The following LRRK1 variants were observed in gnomAD, a reference collection of about 807,000 sequenced individuals.
LRRK1 encodes leucine-rich repeat serine/threonine-protein kinase 1.
LRRK1 carries 113 observed loss-of-function variants against 209.1 expected under a neutral mutation model. That is an observed-to-expected ratio of 0.54 (90% CI 0.46 to 0.63). LRRK1 has a LOEUF of 0.63. LRRK1 is among the 30% of genes least tolerant of loss of function. LRRK1 has a pLI of 0.00. For synonymous variants in LRRK1, 1,144 were observed against 1,099.7 expected, an observed-to-expected ratio of 1.04 and a Z score of -0.80; for missense variants, 2,284 against 2,632.2, an observed-to-expected ratio of 0.87 and a Z score of 2.89.
intron 3 of LRRK1, among the ~76,000 whole-genome samples, chr15:100,975,804 A>G (rs2031261117): frequency 6.6e-6 from 1 of 152,218 alleles, no homozygotes; most frequent in Admixed American, 6.5e-5. Context: ...AGCAAAATAA[A>G]GGTAAAGAAA....
intron 2 of LRRK1, among the ~76,000 whole-genome samples, chr15:100,971,752 A>T (rs897419906): frequency 6.6e-6 from 1 of 152,072 alleles, no homozygotes; most frequent in East Asian, 1.9e-4. Context: ...TGTACCCTTT[A>T]ACCCACTTCT....
In LRRK1 at chr15:101,022,468, C is replaced by T. The variant is rs2141710652; in HGVS notation, c.1938C>T (p.Pro646=). The T allele has an allele frequency of 6.2e-7, 1 of 1,614,234 alleles. No individual in the cohort carries two copies. Among genetic ancestry groups the T allele is most frequent in the East Asian group, 2.2e-5 (1 of 44,888 alleles). Residue 646 remains proline (P), a synonymous_variant, in exon 15 of 34, where the codon CCC becomes CCT. Coordinates refer to ENST00000388948, the MANE Select transcript of LRRK1 (RefSeq NM_024652.6). This position sits in a 1 kb window ranked among gnomAD's most constrained non-coding sequence, Gnocchi z 4.0. ...TGATGAAGATGATCATCGTGGGTCC[C>T]CCGCGCCAGGGCAAGTCCACCCTCC... ...CKLMKMIIVG[P]PRQGKSTLLE...
Position 101,074,367 on chromosome 15 carries a change from C to T in LRRK1, c.*5519C>T, listed in dbSNP as rs1445768454. ...TCCCCTACCTGCCCAGCAATTTTCT[C>T]TTAAAAAGGTGGCTGGAGCTAAAGG... On this transcript the variant is annotated 3_prime_UTR_variant, in exon 34 of 34. Transcript: ENST00000388948. The T allele has an allele frequency of 6.6e-6, 1 of 152,152 alleles. No homozygotes were observed. The highest frequency in any genetic ancestry group is 1.5e-5 in the Non-Finnish European group (1 of 68,026). The allele number at this position is 152,152 out of a possible 1,614,324, so 9.4% of individuals were successfully genotyped here.
At position 101,055,858 on chromosome 15, in the gene LRRK1, G is replaced by A. The variant is rs147689344; in HGVS notation, c.4332+635G>A. On this transcript the variant is annotated intron_variant, in intron 27 of 33. Coordinates refer to ENST00000388948, the MANE Select transcript of LRRK1 (RefSeq NM_024652.6). ...ATGTATTACATCTAGTGCCAGCCTTGTTAATTGATCACCCAGCATTAAAAT... is the reference window on the plus strand; with the variant it reads ...ATGTATTACATCTAGTGCCAGCCTTATTAATTGATCACCCAGCATTAAAAT... Among the ~76,000 whole-genome samples, 81 of 152,338 alleles carry A rather than the reference G, an allele frequency of 5.3e-4. 4 individuals are homozygous for A. In the East Asian group the frequency reaches 8.3e-3, roughly 16 times the overall value.
intron 2 of LRRK1, among the ~76,000 whole-genome samples, chr15:100,954,994 C>A (rs925587471): frequency 6.8e-6 from 1 of 146,536 alleles, no homozygotes. Context: ...TGGGGGTCGT[C>A]TGTGGTTCCA....
In LRRK1 at chr15:101,058,088, A is replaced by C; in HGVS notation, c.4626A>C (p.Ser1542=). Residue 1542 remains serine (S), a synonymous_variant, in exon 29 of 34, where the codon TCA becomes TCC. Coordinates refer to ENST00000388948, the MANE Select transcript of LRRK1 (RefSeq NM_024652.6). ...LCCGKQTAFF[S]SQGQEYTVVF... ...GTGGGAAGCAGACAGCCTTCTTCTC[A>C]TCCCAGGGCCAGGAGTACACCGTGG... The C allele has an allele frequency of 6.2e-7, 1 of 1,614,154 alleles. No homozygotes were observed. Among genetic ancestry groups the C allele is most frequent in the Non-Finnish European group, 8.5e-7 (1 of 1,180,028 alleles).
intron 3 of LRRK1, among the ~76,000 whole-genome samples, chr15:100,978,608 AAG>A (rs2031430749): frequency 6.6e-6 from 1 of 152,224 alleles, no homozygotes; most frequent in African/African-American, 2.4e-5. Flanking sequence ...AAAAGATAAT[AAG>A]GGGACATTAT....
At chr15:100,988,471 C>T (rs944707064) in intron 4 of LRRK1, 163 bp from the exon 5 acceptor site, 13 of 714,744 alleles carry the variant, frequency 1.8e-5, no homozygotes, top group Non-Finnish European at 3.0e-5. Context: ...CTGCAAAGTA[C>T]ATGATCTCAT....
In LRRK1 at chr15:101,026,032, G is replaced by C. The variant is rs753053998; in HGVS notation, c.2300G>C (p.Arg767Pro). The C allele has an allele frequency of 2.5e-6, 4 of 1,614,258 alleles. No individual in the cohort carries two copies. Among genetic ancestry groups the C allele is most frequent in the Admixed American group, 1.7e-5 (1 of 60,038 alleles). The part of the protein sequence containing the change: ...THLDLIEAKF[R>P]VERIATLRAY... ...CTGGATTTAATTGAAGCCAAGTTCC[G>C]TGTGGAAAGGATTGCAACGCTGCGT... The change falls in exon 17 of 34, where the codon CGT becomes CCT. Residue 767 changes from arginine (R) to proline (P), a missense_variant. By Grantham distance (103) the Arg-to-Pro change is moderately radical. Coordinates refer to ENST00000388948, the MANE Select transcript of LRRK1 (RefSeq NM_024652.6).
intron 9 of LRRK1, 100 bp from the exon 10 acceptor site, chr15:101,011,908 A>G (rs1279833407): frequency 1.2e-6 from 1 of 827,306 alleles, no homozygotes; most frequent in Non-Finnish European, 1.9e-6. Flanking sequence ...CATTATTGTA[A>G]TGGTCCATTT....
chr15:101,059,041 T>C (rs17744500), intron 29 of LRRK1, among the ~76,000 whole-genome samples: 79,597 of 151,934 alleles, frequency 0.52, 20,903 homozygotes, highest in East Asian at 0.61. Context: ...TCAGGTTTTA[T>C]GCCACTCGGA....
Position 101,069,133 on chromosome 15 carries a change from C to T in LRRK1, c.*285C>T, listed in dbSNP as rs1181140875. ...GCTGGGAGCGGCCTCCTCTGGCCTCCCCCATCAGTTTGCAGGAGCAGGGGT... is the reference window on the plus strand; with the variant it reads ...GCTGGGAGCGGCCTCCTCTGGCCTCTCCCATCAGTTTGCAGGAGCAGGGGT... On this transcript the variant is annotated 3_prime_UTR_variant, in exon 34 of 34. Transcript: ENST00000388948. The T allele has an allele frequency of 6.9e-6, 2 of 287,798 alleles. No individual in the cohort carries two copies. Among genetic ancestry groups the T allele is most frequent in the Non-Finnish European group, 1.3e-5 (2 of 153,978 alleles). The allele number at this position is 287,798 out of a possible 1,614,324, so 17.8% of individuals were successfully genotyped here. A position where few individuals can be genotyped will look rare whatever the true frequency, so the allele number is the denominator to read the frequency against.
rs8039550 is a variant in LRRK1, at chr15:100,984,622, G to T, written c.433+923G>T. The stretch of plus-strand genomic sequence containing the variant: ...ACTCACTTCTTTCCCATAGCGATAT[G>T]CATTTAAGGTTTCTCCATGCCTTTT... On this transcript the variant is annotated intron_variant, in intron 4 of 33. Coordinates refer to ENST00000388948, the MANE Select transcript of LRRK1 (RefSeq NM_024652.6). 7.8e-3 allele frequency among the ~76,000 whole-genome samples: 1,193 copies of T among 152,234 alleles called. 17 individuals are homozygous for T. Among genetic ancestry groups the T allele is most frequent in the African/African-American group, 0.028 (1,146 of 41,524 alleles).
At chr15:100,962,816 T>TACACAC (rs2030125624) in intron 2 of LRRK1, among the ~76,000 whole-genome samples, 3 of 32,746 alleles carry the variant, frequency 9.2e-5, no homozygotes, top group Non-Finnish European at 1.4e-4. Flanking sequence ...TATATATATA[T>TACACAC]ATATATATTT....
intron 2 of LRRK1, among the ~76,000 whole-genome samples, 186 bp downstream of exon 2, chr15:100,924,915 C>A (rs892821724): frequency 1.3e-5 from 2 of 152,082 alleles, no homozygotes; most frequent in South Asian, 2.1e-4. Flanking sequence ...GAACAGTGTA[C>A]AAAATTTATT....
chr15:101,068,636 CCT>C, intron 33 of LRRK1, 33 bp from the exon 34 acceptor site: 1 of 1,536,218 alleles, frequency 6.5e-7, no homozygotes, highest in Non-Finnish European at 8.8e-7. Context: ...AGTGGGAACC[CCT>C]GTGAGTTTCC....
At position 101,077,077 on chromosome 15, in the gene LRRK1, C is replaced by G. The variant is rs368317627; in HGVS notation, c.*8229C>G. On this transcript the variant is annotated 3_prime_UTR_variant, in exon 34 of 34. Coordinates refer to ENST00000388948, the MANE Select transcript of LRRK1 (RefSeq NM_024652.6). Reference sequence around the variant, plus strand: ...ACGGACTAATGATCTTTTAAAAACACACCTCACCAAGCTCAGCCACCAACT... The same window carrying G: ...ACGGACTAATGATCTTTTAAAAACAGACCTCACCAAGCTCAGCCACCAACT... 1.3e-5 allele frequency: 2 copies of G among 152,042 alleles called. No homozygotes were observed. The highest frequency in any genetic ancestry group is 2.9e-5 in the Non-Finnish European group (2 of 67,970). The allele number at this position is 152,042 out of a possible 1,614,324, so 9.4% of individuals were successfully genotyped here.
chr15:101,053,404 G>C lies in LRRK1; in HGVS notation c.4038G>C (p.Leu1346=), dbSNP rs762265825. 5.0e-6 allele frequency: 8 copies of C among 1,595,380 alleles called. No homozygotes were observed. Among genetic ancestry groups the C allele is most frequent in the Non-Finnish European group, 6.8e-6 (8 of 1,177,414 alleles). Residue 1346 remains leucine, a synonymous_variant, in exon 26 of 34, where the codon CTG becomes CTC. Transcript: ENST00000388948. Reference sequence around the variant, plus strand: ...CGCTCAGCAGCCTCAACACCGTGCTGTCCGAGAACGCCAGAGGTACCGCGG... The same window carrying C: ...CGCTCAGCAGCCTCAACACCGTGCTCTCCGAGAACGCCAGAGGTACCGCGG... ...LAPLSSLNTV[L]SENARDSSFI...
intron 3 of LRRK1, among the ~76,000 whole-genome samples, chr15:100,977,465 T>C (rs2141657698): frequency 6.6e-6 from 1 of 152,158 alleles, no homozygotes; most frequent in Admixed American, 6.5e-5. Flanking sequence ...CCCCACCAGG[T>C]GGTGACAACA....
Sources: allele counts gnomAD v4.1 joint callset (sites outside exome capture counted in the v4.1 genomes callset), GRCh38; gene constraint gnomAD v4.1.1; non-coding constraint Gnocchi (gnomAD v3.1); transcripts MANE v1.5; gene names NCBI Gene and HGNC (gene_info 2026-07-23, HGNC 2026-07-21).